Variants in SOCS2 observed in about 807,000 individuals in gnomAD.
SOCS2 encodes the protein CIS-2.
SOCS2 carries 10 observed loss-of-function variants against 18.6 expected under a neutral mutation model. The ratio of observed to expected loss-of-function variants is 0.54; its 90% CI spans 0.33 to 0.91. SOCS2 has a LOEUF of 0.91. SOCS2 is among the 40% of genes least tolerant of loss of function. The pLI, the probability that SOCS2 is intolerant of heterozygous loss-of-function variation, is 0.02. For missense variants in SOCS2, 231 were observed against 247.2 expected, an observed-to-expected ratio of 0.93 and a Z score of 0.44; for synonymous variants, 104 against 104.0, an observed-to-expected ratio of 1.00 and a Z score of 0.00.
chr12:93,610,365 C>T, the SOCS2 span, among the ~76,000 whole-genome samples: 4 of 152,140 alleles, frequency 2.6e-5, no homozygotes, highest in Non-Finnish European at 5.9e-5. Flanking sequence ...TGTTCAAACA[C>T]AACTTCCTGG....
chr12:93,614,611 CTTTCT>C, the SOCS2 span, among the ~76,000 whole-genome samples: 4 of 103,334 alleles, frequency 3.9e-5, no homozygotes, highest in Admixed American at 1.1e-4. Flanking sequence ...TTCTTTCTTT[CTTTCT>C]TTCTTTCTTT....
chr12:93,612,116 G>T, the SOCS2 span, among the ~76,000 whole-genome samples: 1 of 152,108 alleles, frequency 6.6e-6, no homozygotes, highest in Non-Finnish European at 1.5e-5. Flanking sequence ...CCTACTTCAT[G>T]GGGTTGGAAG....
At chr12:93,579,654 G>T (rs1164034085), downstream of SOCS2, among the ~76,000 whole-genome samples, 5 of 151,908 alleles carry the variant, frequency 3.3e-5, no homozygotes, top group East Asian at 5.8e-4. Flanking sequence ...ACATATTTTT[G>T]ATTTTTCTAA....
chr12:93,612,289 T>G, the SOCS2 span, among the ~76,000 whole-genome samples: 737 of 152,294 alleles, frequency 4.8e-3, 3 homozygotes, highest in Non-Finnish European at 8.2e-3. Context: ...GCAGTCTAGG[T>G]TGATTCCTCC....
the SOCS2 span, among the ~76,000 whole-genome samples, chr12:93,607,982 T>C: frequency 6.6e-6 from 1 of 151,214 alleles, no homozygotes; most frequent in Non-Finnish European, 1.5e-5. Flanking sequence ...TTAGTAGTTA[T>C]GGATTTTGAC....
At chr12:93,598,938 C>T in the SOCS2 span, among the ~76,000 whole-genome samples, 1 of 152,102 alleles carries the variant, frequency 6.6e-6, no homozygotes, top group Non-Finnish European at 1.5e-5. Context: ...GAGGTTGTAC[C>T]AATTATTGTC....
chr12:93,578,625 A>G (rs1314563325), downstream of SOCS2, among the ~76,000 whole-genome samples: 4 of 151,564 alleles, frequency 2.6e-5, no homozygotes, highest in African/African-American at 9.7e-5. Context: ...TAGATCACAT[A>G]TTATGGATTT....
Position 93,572,717 on chromosome 12 carries a change from T to G in SOCS2, c.-181T>G, listed in dbSNP as rs1444797908. Reference sequence around the variant, plus strand: ...GTGGGTGACCGCGGCTGCGAGGGACTTTGTCATCCGTCCTCCAGGATCTGG... The same window carrying G: ...GTGGGTGACCGCGGCTGCGAGGGACGTTGTCATCCGTCCTCCAGGATCTGG... On this transcript the variant is annotated 5_prime_UTR_variant, in exon 1 of 2. Coordinates refer to ENST00000551556, the MANE Select transcript of SOCS2 (RefSeq NM_001270471.2). This position sits in a 1 kb window ranked among gnomAD's most constrained non-coding sequence, Gnocchi z 5.0. The G allele has an allele frequency of 3.5e-6, 3 of 848,756 alleles. No individual in the cohort carries two copies. Among genetic ancestry groups the G allele is most frequent in the Non-Finnish European group, 5.8e-6 (3 of 519,574 alleles). 52.6% of individuals were successfully genotyped at this position (848,756 alleles called of 1,614,324 possible).
At chr12:93,612,998 A>G in the SOCS2 span, among the ~76,000 whole-genome samples, 1 of 152,198 alleles carries the variant, frequency 6.6e-6, no homozygotes, top group African/African-American at 2.4e-5. Context: ...GAGGAAGCCC[A>G]AGGAAAGTGG....
Position 93,572,685 on chromosome 12 carries a change from G to A in SOCS2, c.-213G>A. On this transcript the variant is annotated 5_prime_UTR_variant, in exon 1 of 2. Coordinates refer to ENST00000551556, the MANE Select transcript of SOCS2 (RefSeq NM_001270471.2). The surrounding 1 kb of genome is among the most constrained non-coding windows in gnomAD (Gnocchi z 5.0). ...CCAACCTCCCGCTTTCTCTTTGTAG[G>A]CGATCAGTGGGTGACCGCGGCTGCG... The A allele has an allele frequency of 1.4e-6, 1 of 732,386 alleles. No individual in the cohort carries two copies. The highest frequency in any genetic ancestry group is 1.7e-5 in the African/African-American group (1 of 57,834). The allele number at this position is 732,386 out of a possible 1,614,324, so 45.4% of individuals were successfully genotyped here. A position where few individuals can be genotyped will look rare whatever the true frequency, so the allele number is the denominator to read the frequency against.
chr12:93,571,914 G>A (rs986596182), upstream of SOCS2: 3 of 430,154 alleles, frequency 7.0e-6, no homozygotes, highest in African/African-American at 4.2e-5. Context: ...CCGAGGTCGA[G>A]GTAAGAGCGC....
At chr12:93,625,029 C>T in the SOCS2 span, among the ~76,000 whole-genome samples, 6 of 152,208 alleles carry the variant, frequency 3.9e-5, no homozygotes, top group African/African-American at 1.2e-4. Flanking sequence ...CTTTTTAAAA[C>T]TCTCAGTGGC....
the SOCS2 span, among the ~76,000 whole-genome samples, chr12:93,626,073 G>A: frequency 0.15 from 22,835 of 152,034 alleles, 2,463 homozygotes; most frequent in East Asian, 0.35. Flanking sequence ...GGTTTTAGAC[G>A]GTTCTGCCAA....
At chr12:93,615,596 A>G in the SOCS2 span, among the ~76,000 whole-genome samples, 1 of 152,102 alleles carries the variant, frequency 6.6e-6, no homozygotes, top group African/African-American at 2.4e-5. Flanking sequence ...GTGTGAAAGT[A>G]TTTGTTCTGT....
chr12:93,605,284 C>A, the SOCS2 span, among the ~76,000 whole-genome samples: 2 of 152,118 alleles, frequency 1.3e-5, no homozygotes, highest in South Asian at 4.2e-4. Flanking sequence ...ATATAACTAA[C>A]GTATATAAGA....
chr12:93,585,973 T>A (rs991938631), downstream of SOCS2, among the ~76,000 whole-genome samples: 1 of 152,272 alleles, frequency 6.6e-6, no homozygotes, highest in African/African-American at 2.4e-5. Context: ...ATGTAAATAC[T>A]ATGTAAATAG....
chr12:93,595,485 T>C, the SOCS2 span, among the ~76,000 whole-genome samples: 1 of 152,320 alleles, frequency 6.6e-6, no homozygotes, highest in East Asian at 1.9e-4. Context: ...ATAAATTGAG[T>C]CTCACATTTC....
At chr12:93,582,287 A>C (rs932455340) in intron 1 of SOCS2, among the ~76,000 whole-genome samples, 3 of 152,152 alleles carry the variant, frequency 2.0e-5, no homozygotes, top group East Asian at 3.9e-4. Context: ...CTTGGGGCAG[A>C]TCTTGCAGGC....
the SOCS2 span, among the ~76,000 whole-genome samples, chr12:93,615,997 A>G: frequency 6.6e-6 from 1 of 152,238 alleles, no homozygotes; most frequent in Non-Finnish European, 1.5e-5. Context: ...CCAAGCTCTC[A>G]TGATTAATTC....
Sources: allele counts gnomAD v4.1 joint callset (sites outside exome capture counted in the v4.1 genomes callset), GRCh38; gene constraint gnomAD v4.1.1; non-coding constraint Gnocchi (gnomAD v3.1); transcripts MANE v1.5; gene names NCBI Gene and HGNC (gene_info 2026-07-23, HGNC 2026-07-21).